Variants in KCNH5 observed in about 807,000 individuals in gnomAD.
KCNH5 encodes the protein potassium voltage-gated channel subfamily H member 5.
Under a neutral mutation model 96.1 loss-of-function variants are expected in KCNH5, and 46 were observed. The ratio of observed to expected loss-of-function variants is 0.48; its 90% CI spans 0.38 to 0.61. KCNH5 has a LOEUF of 0.61. KCNH5 is among the 20% of genes least tolerant of loss of function. KCNH5 has a pLI of 0.00. For synonymous variants in KCNH5, 439 were observed against 449.8 expected (o/e 0.98, Z 0.30); for missense variants, 907 against 1,225.8 (o/e 0.74, Z 3.88).
chr14:62,972,995 G>A (rs1470803424), intron 6 of KCNH5, among the ~76,000 whole-genome samples: 2 of 152,194 alleles, frequency 1.3e-5, no homozygotes, highest in Non-Finnish European at 2.9e-5. Context: ...AAAGCCACTA[G>A]AAACGATCAA....
At chr14:62,910,313 A>G (rs1254551113) in intron 7 of KCNH5, among the ~76,000 whole-genome samples, 1 of 152,204 alleles carries the variant, frequency 6.6e-6, no homozygotes, top group Non-Finnish European at 1.5e-5. Context: ...AAAATTAGAG[A>G]AAGGAAAACA....
intron 2 of KCNH5, among the ~76,000 whole-genome samples, chr14:63,015,458 ACTCT>A (rs561696021): frequency 6.6e-5 from 10 of 151,516 alleles, no homozygotes; most frequent in African/African-American, 2.2e-4. Context: ...AACATGGATG[ACTCT>A]CTCTCTCTGC....
intron 10 of KCNH5, chr14:62,712,450 T>G (rs1420415816): frequency 1.7e-6 from 1 of 586,244 alleles, no homozygotes; most frequent in South Asian, 2.0e-5. Flanking sequence ...CATATTATTC[T>G]TTTATCACAG....
intron 10 of KCNH5, among the ~76,000 whole-genome samples, chr14:62,730,096 T>C (rs1215806125): frequency 2.0e-5 from 3 of 152,254 alleles, no homozygotes; most frequent in Admixed American, 2.0e-4. Flanking sequence ...TATTGTCATA[T>C]AAACTTTTTT....
chr14:62,866,477 G>T (rs1888136534), intron 7 of KCNH5, among the ~76,000 whole-genome samples: 1 of 152,138 alleles, frequency 6.6e-6, no homozygotes, highest in African/African-American at 2.4e-5. Context: ...GCCAAGGCTT[G>T]ACATGTATGG....
At chr14:62,842,364 C>A (rs1887603013) in intron 8 of KCNH5, among the ~76,000 whole-genome samples, 1 of 150,226 alleles carries the variant, frequency 6.7e-6, no homozygotes, top group Non-Finnish European at 1.5e-5. Context: ...TACTTTCTCA[C>A]ATAAAATGTG....
At chr14:62,908,782 A>ACTTTTTTTTTTTTTTTTTTTTTTTTT (rs71451284) in intron 7 of KCNH5, among the ~76,000 whole-genome samples, 2 of 23,712 alleles carry the variant, frequency 8.4e-5, no homozygotes, top group African/African-American at 3.6e-4. Flanking sequence ...TTTGCTTTGT[A>ACTTTTTTTTTTTTTTTTTTTTTTTTT]TTTTTTTTTT....
rs998375122 is a variant in KCNH5, at chr14:62,702,323, A to T, written c.*5185T>A. 1 of 152,068 alleles carries T rather than the reference A, an allele frequency of 6.6e-6. No individual in the cohort carries two copies. The highest frequency in any genetic ancestry group is 2.4e-5 in the African/African-American group (1 of 41,450). The allele number at this position is 152,068 out of a possible 1,614,324, so 9.4% of individuals were successfully genotyped here. ...CTATCAAGAAAAACCAAACATTTAC[A>T]TTCACATTATCGAGTGCAATTTTTA... On this transcript the variant is annotated 3_prime_UTR_variant, in exon 11 of 11. Transcript: ENST00000322893.
rs924403746 is a variant in KCNH5, at chr14:62,943,866, G to A, written c.1369+6267C>T. Among the ~76,000 whole-genome samples the A allele has an allele frequency of 1.5e-4, 23 of 152,176 alleles. 1 individual carries two copies. Among genetic ancestry groups the A allele is most frequent in the Admixed American group, 1.3e-3 (20 of 15,262 alleles). ...GGTAGATGTATATAGAGAAGCATCA[G>A]GCAACCCTTCCAATTCAGAAATCTG... On this transcript the variant is annotated intron_variant, in intron 7 of 10. Coordinates refer to ENST00000322893, the MANE Select transcript of KCNH5 (RefSeq NM_139318.5).
At chr14:62,863,867 G>C (rs1224189408) in intron 7 of KCNH5, among the ~76,000 whole-genome samples, 2 of 152,022 alleles carry the variant, frequency 1.3e-5, no homozygotes, top group African/African-American at 2.4e-5. Context: ...TACTTAATTT[G>C]TATGTATACT....
chr14:62,880,437 A>T (rs990179137), intron 7 of KCNH5, among the ~76,000 whole-genome samples: 5 of 152,228 alleles, frequency 3.3e-5, no homozygotes, highest in Non-Finnish European at 7.3e-5. Flanking sequence ...TTCACAAGGC[A>T]AAAGAGTAAA....
intron 10 of KCNH5, among the ~76,000 whole-genome samples, chr14:62,735,861 C>T (rs1885144933): frequency 6.6e-6 from 1 of 152,188 alleles, no homozygotes; most frequent in African/African-American, 2.4e-5. Context: ...CAGATAGGAA[C>T]AGTGGGAAGA....
intron 5 of KCNH5, among the ~76,000 whole-genome samples, chr14:62,983,978 A>G (rs939955181): frequency 7.2e-5 from 11 of 152,150 alleles, no homozygotes; most frequent in African/African-American, 2.7e-4. Flanking sequence ...AAGGAGGAGG[A>G]AGAAGAGGAA....
chr14:62,978,586 CAAAA>C (rs529221170), intron 6 of KCNH5, among the ~76,000 whole-genome samples: 6 of 80,680 alleles, frequency 7.4e-5, no homozygotes, highest in Non-Finnish European at 5.0e-5. Context: ...GACTCCGTCT[CAAAA>C]AAAAAAAAAA....
chr14:62,715,864 G>A (rs1435347754), intron 10 of KCNH5, among the ~76,000 whole-genome samples: 1 of 152,158 alleles, frequency 6.6e-6, no homozygotes, highest in Non-Finnish European at 1.5e-5. Context: ...GGGAGGAAAG[G>A]AGGGATAGGG....
At chr14:62,956,788 T>C (rs1890112941) in intron 6 of KCNH5, among the ~76,000 whole-genome samples, 1 of 152,236 alleles carries the variant, frequency 6.6e-6, no homozygotes, top group African/African-American at 2.4e-5. Flanking sequence ...TAGACAGTTT[T>C]AGAGGTTGAT....
intron 9 of KCNH5, 37 bp downstream of exon 9, chr14:62,802,292 T>C: frequency 6.3e-7 from 1 of 1,592,362 alleles, no homozygotes; most frequent in Non-Finnish European, 8.6e-7. Flanking sequence ...AAACTGTTAC[T>C]ACGCATTTGC....
chr14:62,774,122 G>C (rs895387750), intron 10 of KCNH5, among the ~76,000 whole-genome samples: 1 of 152,144 alleles, frequency 6.6e-6, no homozygotes, highest in African/African-American at 2.4e-5. Context: ...GGGAAAAGGG[G>C]CATGGGCAAA....
chr14:62,843,161 C>A (rs538870491), intron 8 of KCNH5, among the ~76,000 whole-genome samples: 1 of 152,282 alleles, frequency 6.6e-6, no homozygotes, highest in East Asian at 1.9e-4. Flanking sequence ...CATCATATAA[C>A]AAAATTCCAA....
Sources: gnomAD v4.1 joint callset for allele counts (sites outside exome capture counted in the v4.1 genomes callset) on GRCh38, gnomAD v4.1.1 for gene constraint, MANE v1.5 for transcripts, NCBI Gene and HGNC (gene_info 2026-07-23, HGNC 2026-07-21) for gene names.